Variants in SETD3 observed in about 807,000 individuals in gnomAD.
The protein encoded by SETD3 is actin-histidine N-methyltransferase.
A neutral mutation model predicts 63.0 loss-of-function variants in SETD3; 19 were observed. The observed-to-expected ratio is 0.30, with a 90% confidence interval of 0.21 to 0.44. The LOEUF (loss-of-function observed/expected upper bound fraction) is 0.44. Among genes scored for constraint, SETD3 ranks in the 20% least tolerant of loss-of-function variants. The pLI is 1.00. For synonymous variants in SETD3, 286 were observed against 264.1 expected (o/e 1.08, Z -0.80); for missense variants, 587 against 728.5 (o/e 0.81, Z 2.24).
intron 1 of SETD3, among the ~76,000 whole-genome samples, chr14:99,472,603 C>T (rs1284191626): frequency 6.6e-6 from 1 of 152,024 alleles, no homozygotes; most frequent in Non-Finnish European, 1.5e-5. Flanking sequence ...CCCACAAAGA[C>T]CAAATGTTTA....
chr14:99,409,851 A>T (rs994915094), intron 8 of SETD3: 1 of 184,236 alleles, frequency 5.4e-6, no homozygotes, highest in Non-Finnish European at 1.1e-5. Flanking sequence ...TTTCCTAGGC[A>T]TGGGGCTTTT....
chr14:99,407,339 C>T (rs1030045151), intron 8 of SETD3, among the ~76,000 whole-genome samples: 2 of 152,144 alleles, frequency 1.3e-5, no homozygotes, highest in Non-Finnish European at 1.5e-5. Context: ...AGGAAACCCT[C>T]GCGTCTCACC....
intron 2 of SETD3, among the ~76,000 whole-genome samples, chr14:99,464,607 G>A (rs1360796041): frequency 6.6e-6 from 1 of 152,150 alleles, no homozygotes; most frequent in Non-Finnish European, 1.5e-5. Context: ...ACTTGGCTGC[G>A]GCCTGCTTTC....
At chr14:99,437,724 A>G (rs928030327) in intron 6 of SETD3, among the ~76,000 whole-genome samples, 2 of 152,212 alleles carry the variant, frequency 1.3e-5, no homozygotes, top group Non-Finnish European at 2.9e-5. Flanking sequence ...ATTCGTCTCA[A>G]TAAATCTCTT....
At chr14:99,480,468 T>C (rs1180772387) in intron 1 of SETD3, among the ~76,000 whole-genome samples, 3 of 151,056 alleles carry the variant, frequency 2.0e-5, no homozygotes, top group Non-Finnish European at 4.4e-5. Context: ...CGCGCGCCTC[T>C]CGCCCCGCAG....
intron 6 of SETD3, among the ~76,000 whole-genome samples, chr14:99,417,562 T>G (rs1388375777): frequency 6.6e-6 from 1 of 152,238 alleles, no homozygotes; most frequent in Non-Finnish European, 1.5e-5. Flanking sequence ...GACATGCACT[T>G]AAACTAAACA....
chr14:99,402,087 C>G (rs1891419524), intron 11 of SETD3, among the ~76,000 whole-genome samples: 1 of 152,178 alleles, frequency 6.6e-6, no homozygotes, highest in Non-Finnish European at 1.5e-5. Context: ...CCGGAGGGTA[C>G]AGAGCCCAGT....
chr14:99,462,478 G>T (rs1048211805), intron 3 of SETD3, among the ~76,000 whole-genome samples: 2 of 152,286 alleles, frequency 1.3e-5, no homozygotes, highest in Admixed American at 6.5e-5. Flanking sequence ...CCTGCTAAAT[G>T]GCGAAAATGA....
intron 11 of SETD3, among the ~76,000 whole-genome samples, chr14:99,403,451 ACACACTCTCTCTCTCTCT>A (rs1417955414): frequency 9.3e-6 from 1 of 107,048 alleles, no homozygotes; most frequent in African/African-American, 4.1e-5. Context: ...ACACACACAC[ACACACTCTCTCTCTCTCT>A]CTCTCTCTCT....
At chr14:99,402,273 T>C (rs994331970) in intron 11 of SETD3, among the ~76,000 whole-genome samples, 4 of 152,226 alleles carry the variant, frequency 2.6e-5, no homozygotes, top group Non-Finnish European at 5.9e-5. Context: ...CCATGTACTA[T>C]GTTATCTGTG....
At chr14:99,449,677 A>C (rs1257282614) in intron 6 of SETD3, among the ~76,000 whole-genome samples, 1 of 152,230 alleles carries the variant, frequency 6.6e-6, no homozygotes, top group East Asian at 1.9e-4. Flanking sequence ...AAGGGAAAAA[A>C]GGGCATTAAT....
chr14:99,448,829 C>G (rs1894287929), intron 6 of SETD3, among the ~76,000 whole-genome samples: 1 of 152,184 alleles, frequency 6.6e-6, no homozygotes, highest in South Asian at 2.1e-4. Context: ...AAATGGCACA[C>G]AGGAAGCAGT....
intron 6 of SETD3, among the ~76,000 whole-genome samples, chr14:99,454,968 C>T (rs1053398998): frequency 6.6e-6 from 1 of 152,004 alleles, no homozygotes; most frequent in African/African-American, 2.4e-5. Flanking sequence ...AATGGTCACA[C>T]GAAAAAACAG....
Position 99,410,172 on chromosome 14 carries a change from T to C in SETD3, c.849+2779A>G, listed in dbSNP as rs181730379. ...CCGTAAGTGCCTAAGGAATGGAGGG[T>C]CTTAGGCAGAGGCGACAGCAAGAGC... On this transcript the variant is annotated intron_variant, in intron 8 of 12. Coordinates refer to ENST00000331768, the MANE Select transcript of SETD3 (RefSeq NM_032233.3). 82 of 1,605,152 alleles carry C rather than the reference T, an allele frequency of 5.1e-5. No homozygotes were observed. In the East Asian group the frequency reaches 1.7e-3, roughly 34 times the overall value.
chr14:99,479,017 G>A (rs8012839), intron 1 of SETD3, among the ~76,000 whole-genome samples: 140,458 of 152,294 alleles, frequency 0.92, 65,862 homozygotes, highest in East Asian at 1. Context: ...GTGCTCTTAC[G>A]AGAAGCTTTC....
At chr14:99,410,125 G>A in intron 8 of SETD3, 1 of 1,438,266 alleles carries the variant, frequency 7.0e-7, no homozygotes, top group Non-Finnish European at 9.8e-7. Context: ...CAGCCACGCT[G>A]GAGGAGGTCT....
chr14:99,410,055 G>C (rs1207321164), intron 8 of SETD3: 5 of 660,254 alleles, frequency 7.6e-6, no homozygotes, highest in Non-Finnish European at 1.3e-5. Context: ...AAATGTAACA[G>C]GACAGGGCAG....
chr14:99,407,189 AATAC>A (rs1344979322), intron 8 of SETD3, among the ~76,000 whole-genome samples: 1 of 152,208 alleles, frequency 6.6e-6, no homozygotes, highest in African/African-American at 2.4e-5. Context: ...TCTGCTGAGA[AATAC>A]AATGTGAGAG....
At chr14:99,406,657 G>A (rs1891699465) in intron 8 of SETD3, 67 bp from the exon 9 acceptor site, 1 of 1,484,458 alleles carries the variant, frequency 6.7e-7, no homozygotes, top group African/African-American at 1.4e-5. Context: ...TAATCTACAA[G>A]CTTGTTTCTG....
Sources: allele counts gnomAD v4.1 joint callset (sites outside exome capture counted in the v4.1 genomes callset), GRCh38; gene constraint gnomAD v4.1.1; transcripts MANE v1.5; gene names NCBI Gene and HGNC (gene_info 2026-07-23, HGNC 2026-07-21).